The following COL28A1 variants were observed in gnomAD, a reference collection of about 807,000 sequenced individuals.
COL28A1 encodes the protein collagen alpha-1(XXVIII) chain.
Under a neutral mutation model 150.2 loss-of-function variants are expected in COL28A1, and 161 were observed. The ratio of observed to expected loss-of-function variants is 1.07; its 90% CI spans 0.94 to 1.22. The LOEUF is 1.22. COL28A1 is among the 50% of genes most tolerant of loss of function. The pLI, the probability that COL28A1 is intolerant of heterozygous loss-of-function variation, is 0.00. For missense variants in COL28A1, 1,617 were observed against 1,388.3 expected (o/e 1.16, Z -2.62); for synonymous variants, 552 against 469.7 (o/e 1.18, Z -2.26).
intron 22 of COL28A1, 115 bp downstream of exon 22, chr7:7,437,279 G>C (rs1583368928): frequency 1.4e-6 from 2 of 1,420,804 alleles, no homozygotes; most frequent in East Asian, 2.5e-5. Flanking sequence ...GAGTTAAACG[G>C]AATCATTTCT....
At chr7:7,436,099 T>C (rs537026100) in intron 23 of COL28A1, among the ~76,000 whole-genome samples, 91 of 152,234 alleles carry the variant, frequency 6.0e-4, no homozygotes, top group Non-Finnish European at 1.2e-3. Flanking sequence ...GCCACTAATA[T>C]GTAAATGAAG....
Position 7,380,559 on chromosome 7 carries a change from G to A in COL28A1, c.2322+101C>T, listed in dbSNP as rs1781815353. ...GTTGATCTCATTTAAATAGAAACTGGGATTCTGCATCCAAAAAATTCATAA... is the reference window on the plus strand; with the variant it reads ...GTTGATCTCATTTAAATAGAAACTGAGATTCTGCATCCAAAAAATTCATAA... On this transcript the variant is annotated intron_variant, in intron 30 of 34. Transcript: ENST00000399429. The A allele has an allele frequency of 5.1e-6, 5 of 989,592 alleles. No individual in the cohort carries two copies. In the Admixed American group the frequency reaches 6.1e-5, roughly 12 times the overall value. 61.3% of individuals were successfully genotyped at this position (989,592 alleles called of 1,614,324 possible). A position where few individuals can be genotyped will look rare whatever the true frequency, so the allele number is the denominator to read the frequency against.
At chr7:7,409,168 T>A (rs776394253) in intron 27 of COL28A1, among the ~76,000 whole-genome samples, 11 of 152,090 alleles carry the variant, frequency 7.2e-5, no homozygotes, top group Non-Finnish European at 1.0e-4. Flanking sequence ...TAAAAGGAGA[T>A]GGAGAAAAAT....
At chr7:7,380,552 G>T (rs1781815025) in intron 30 of COL28A1, 108 bp downstream of exon 30, 1 of 924,730 alleles carries the variant, frequency 1.1e-6, no homozygotes, top group African/African-American at 1.7e-5. Flanking sequence ...CATTTAAATA[G>T]AAACTGGGAT....
Position 7,461,717 on chromosome 7 carries a change from C to T in COL28A1, c.1303-5605G>A, listed in dbSNP as rs143006760. The stretch of plus-strand genomic sequence containing the variant: ...GGGAACCTCTCCCTTACCCCCACAG[C>T]AGCCACAGCAAGACCCACCCAAGTA... On this transcript the variant is annotated intron_variant, in intron 15 of 34. Coordinates refer to ENST00000399429, the MANE Select transcript of COL28A1 (RefSeq NM_001037763.3). Among the ~76,000 whole-genome samples, 805 of 152,232 alleles carry T rather than the reference C, an allele frequency of 5.3e-3. 5 individuals carry two copies. Among genetic ancestry groups the T allele is most frequent in the African/African-American group, 0.019 (772 of 41,528 alleles).
rs74911874 is a variant in COL28A1, at chr7:7,364,999, C to T, written c.3067-4471G>A. On this transcript the variant is annotated intron_variant, in intron 33 of 34. Coordinates refer to ENST00000399429, the MANE Select transcript of COL28A1 (RefSeq NM_001037763.3). ...ATTATTTAATTCCTCTAGACTTTAA[C>T]GTCATCATTTTTCAAATAAAAAAAA... is the stretch of plus-strand genomic sequence containing the variant. Among the ~76,000 whole-genome samples the T allele has an allele frequency of 3.0e-3, 452 of 152,220 alleles. 1 individual carries two copies. The highest frequency in any genetic ancestry group is 0.01 in the African/African-American group (433 of 41,524).
In COL28A1 at chr7:7,380,888, G is replaced by A. The variant is rs143731426; in HGVS notation, c.2206-26C>T. 491 of 1,576,654 alleles carry A rather than the reference G, an allele frequency of 3.1e-4. 6 individuals are homozygous for A. In the Admixed American group the frequency reaches 7.9e-3, roughly 25 times the overall value. On this transcript the variant is annotated intron_variant, in intron 28 of 34. Transcript: ENST00000399429. ...CTTTACACAATAGGGTAAAATGATA[G>A]GTTCAGAATGTGAATCTAAAAGCCA...
chr7:7,381,692 C>T lies in COL28A1; in HGVS notation c.2137-80G>A, dbSNP rs114343166. The T allele has an allele frequency of 4.6e-3, 4,036 of 873,034 alleles. 92 individuals are homozygous for T. The African/African-American group carries it at 0.053, about 12-fold the overall frequency. The allele number at this position is 873,034 out of a possible 1,614,324, so 54.1% of individuals were successfully genotyped here. ...ATTCTTTGGGTCAGAAACACACTTA[C>T]GGTTTAAAACTGCATTATAGTATTA... On this transcript the variant is annotated intron_variant, in intron 27 of 34. Coordinates refer to ENST00000399429, the MANE Select transcript of COL28A1 (RefSeq NM_001037763.3).
At chr7:7,378,115 T>A (rs1198734180) in intron 30 of COL28A1, among the ~76,000 whole-genome samples, 1 of 151,970 alleles carries the variant, frequency 6.6e-6, no homozygotes, top group Non-Finnish European at 1.5e-5. Flanking sequence ...GGATGTAAGA[T>A]CTGGCGCTTG....
intron 8 of COL28A1, among the ~76,000 whole-genome samples, 162 bp downstream of exon 8, chr7:7,515,652 T>A (rs1781375691): frequency 6.6e-6 from 1 of 152,200 alleles, no homozygotes; most frequent in African/African-American, 2.4e-5. Context: ...ACAACACACA[T>A]CCATATGTTA....
At chr7:7,374,038 A>AAAAAAAAAAAAAATATATATATATAT in intron 31 of COL28A1, among the ~76,000 whole-genome samples, 33 of 113,596 alleles carry the variant, frequency 2.9e-4, no homozygotes, top group African/African-American at 1.2e-3. Context: ...AAAAAAAAAA[A>AAAAAAAAAAAAAATATATATATATAT]ATATATATAT....
At chr7:7,382,399 T>C (rs542426605) in intron 27 of COL28A1, among the ~76,000 whole-genome samples, 7 of 152,226 alleles carry the variant, frequency 4.6e-5, no homozygotes, top group African/African-American at 1.7e-4. Context: ...CAAGTTATTG[T>C]TTATGTAATT....
chr7:7,349,187 T>G, the COL28A1 span, among the ~76,000 whole-genome samples: 1 of 152,154 alleles, frequency 6.6e-6, no homozygotes, highest in Admixed American at 6.5e-5. Context: ...AATATATTGT[T>G]TATAATTGAT....
rs373950860 is a variant in COL28A1, at chr7:7,373,255, G to A, written c.2651C>T (p.Ala884Val). 6.2e-7 allele frequency: 1 copy of A among 1,614,044 alleles called. No individual in the cohort carries two copies. The highest frequency in any genetic ancestry group is 8.5e-7 in the Non-Finnish European group (1 of 1,180,044). ...GTYTATALQA[A>V]NDMFEDARPG... ...CCTTGCATCTTCAAACATGTCGTTGGCTGCTTGCAGAGCAGTGGCTGTGTA... is the reference window on the plus strand; with the variant it reads ...CCTTGCATCTTCAAACATGTCGTTGACTGCTTGCAGAGCAGTGGCTGTGTA... The change falls in exon 32 of 35, where the codon GCC becomes GTC. Residue 884 changes from alanine (A) to valine (V), a missense_variant. Physicochemically the swap from Ala to Val is moderately conservative, Grantham distance 64. Transcript: ENST00000399429. The surrounding 1 kb of genome is among the most constrained non-coding windows in gnomAD (Gnocchi z 4.1).
chr7:7,429,031 A>C (rs1047413448), intron 25 of COL28A1, among the ~76,000 whole-genome samples: 1 of 152,158 alleles, frequency 6.6e-6, no homozygotes, highest in African/African-American at 2.4e-5. Context: ...GTCATATGCT[A>C]AACACATGTG....
At chr7:7,356,665 G>A (rs1196896252), downstream of COL28A1, 2 of 151,994 alleles carry the variant, frequency 1.3e-5, no homozygotes, top group African/African-American at 2.4e-5. Flanking sequence ...GACACAGGAA[G>A]GGGAACATCA....
At chr7:7,486,323 A>G (rs981487679) in intron 13 of COL28A1, among the ~76,000 whole-genome samples, 1 of 152,148 alleles carries the variant, frequency 6.6e-6, no homozygotes, top group African/African-American at 2.4e-5. Flanking sequence ...TCACTTGTTA[A>G]TTCTAGGAGG....
At chr7:7,446,505 C>T (rs746023550) in intron 18 of COL28A1, among the ~76,000 whole-genome samples, 46 of 152,136 alleles carry the variant, frequency 3.0e-4, no homozygotes, top group Admixed American at 9.2e-4. Context: ...GTTTTACAGT[C>T]AAGACTTACC....
At chr7:7,455,927 C>A in intron 16 of COL28A1, 117 bp downstream of exon 16, 1 of 1,366,460 alleles carries the variant, frequency 7.3e-7, no homozygotes, top group East Asian at 2.5e-5. Context: ...GACTTATACT[C>A]CACTGCAATT....
Sources: allele counts gnomAD v4.1 joint callset (sites outside exome capture counted in the v4.1 genomes callset), GRCh38; gene constraint gnomAD v4.1.1; non-coding constraint Gnocchi (gnomAD v3.1); transcripts MANE v1.5; gene names NCBI Gene and HGNC (gene_info 2026-07-23, HGNC 2026-07-21).